The following MINDY4 variants were observed in gnomAD, a reference collection of about 807,000 sequenced individuals.
MINDY4 encodes the protein probable ubiquitin carboxyl-terminal hydrolase MINDY-4.
A neutral mutation model predicts 87.0 loss-of-function variants in MINDY4; 68 were observed. That is an observed-to-expected ratio of 0.78 (90% CI 0.64 to 0.96). MINDY4 has a LOEUF of 0.96. Ranked by LOEUF, MINDY4 falls within the 40% of genes least tolerant of loss-of-function variation. The pLI is 0.00. For synonymous variants in MINDY4, 379 were observed against 363.2 expected (o/e 1.04, Z -0.50); for missense variants, 919 against 928.2 (o/e 0.99, Z 0.13).
intron 5 of MINDY4, among the ~76,000 whole-genome samples, chr7:30,802,538 C>T (rs1323313679): frequency 6.6e-6 from 1 of 152,046 alleles, no homozygotes; most frequent in Non-Finnish European, 1.5e-5. Flanking sequence ...TTTACTCAGC[C>T]ATGTCTCTGT....
chr7:30,887,911 A>G (rs1790681053), intron 17 of MINDY4, among the ~76,000 whole-genome samples: 1 of 152,226 alleles, frequency 6.6e-6, no homozygotes, highest in Non-Finnish European at 1.5e-5. Context: ...GGCTCATCCT[A>G]GAGCTGCTCC....
At chr7:30,889,636 C>T (rs1790736896) in intron 17 of MINDY4, among the ~76,000 whole-genome samples, 1 of 152,188 alleles carries the variant, frequency 6.6e-6, no homozygotes, top group South Asian at 2.1e-4. Flanking sequence ...CCCCAAAACC[C>T]AATAGACTCC....
intron 5 of MINDY4, among the ~76,000 whole-genome samples, chr7:30,798,050 C>A (rs547362691): frequency 1.3e-5 from 2 of 152,234 alleles, no homozygotes; most frequent in African/African-American, 4.8e-5. Flanking sequence ...GAAGTGGAAA[C>A]ATCATAGAGT....
intron 4 of MINDY4, among the ~76,000 whole-genome samples, chr7:30,789,634 G>A (rs10258122): frequency 0.04 from 6,054 of 152,274 alleles, 212 homozygotes; most frequent in East Asian, 0.21. Flanking sequence ...GATGTCCTGA[G>A]TGGCTTTGGG....
chr7:30,890,717 TGAA>T (rs1790771786), intron 17 of MINDY4, among the ~76,000 whole-genome samples: 1 of 152,038 alleles, frequency 6.6e-6, no homozygotes, highest in Admixed American at 6.6e-5. Context: ...AGCACTGACT[TGAA>T]GAAAGACAAA....
chr7:30,820,904 A>G (rs896600347), intron 5 of MINDY4, among the ~76,000 whole-genome samples: 1 of 152,052 alleles, frequency 6.6e-6, no homozygotes, highest in African/African-American at 2.4e-5. Flanking sequence ...TTTTTGAGGA[A>G]CTCCCAGACT....
chr7:30,873,762 G>A (rs768906690), intron 14 of MINDY4, among the ~76,000 whole-genome samples: 16 of 152,176 alleles, frequency 1.1e-4, no homozygotes, highest in Non-Finnish European at 2.2e-4. Context: ...GGGAGCAGGG[G>A]CTTTTATCCC....
At chr7:30,859,969 C>T (rs1789699831) in intron 13 of MINDY4, among the ~76,000 whole-genome samples, 1 of 152,188 alleles carries the variant, frequency 6.6e-6, no homozygotes, top group African/African-American at 2.4e-5. Context: ...GCCTCTTTGT[C>T]TGTATTTGTC....
intron 9 of MINDY4, among the ~76,000 whole-genome samples, chr7:30,845,974 C>G (rs183550668): frequency 6.6e-6 from 1 of 152,172 alleles, no homozygotes; most frequent in Non-Finnish European, 1.5e-5. Flanking sequence ...ATGAAGAGCT[C>G]TTGATCCCCC....
At chr7:30,889,470 C>A (rs928035582) in intron 17 of MINDY4, among the ~76,000 whole-genome samples, 4 of 152,312 alleles carry the variant, frequency 2.6e-5, no homozygotes, top group Non-Finnish European at 5.9e-5. Context: ...TCAGACTCCA[C>A]CCCCAAATAG....
chr7:30,876,783 T>C (rs900148880), intron 15 of MINDY4, among the ~76,000 whole-genome samples: 1 of 152,272 alleles, frequency 6.6e-6, no homozygotes, highest in Non-Finnish European at 1.5e-5. Flanking sequence ...GCAAAGATTC[T>C]TGGAGGGTCC....
In MINDY4 at chr7:30,783,064, AATTT is replaced by A. The variant is rs1787051949; in HGVS notation, c.419+856_419+859del. ...TCCTCACAGTAGTTAAAGCAATACCAATTTATTCTCTTACAGTTCTGGAGGTCTG... is the reference window on the plus strand; with the variant it reads ...TCCTCACAGTAGTTAAAGCAATACCAATTCTCTTACAGTTCTGGAGGTCTG... On this transcript the variant is annotated intron_variant, in intron 3 of 17. Transcript: ENST00000265299. Among the ~76,000 whole-genome samples, 6 of 152,310 alleles carry A rather than the reference AATTT, an allele frequency of 3.9e-5. No homozygotes were observed. The South Asian group carries it at 8.3e-4, about 21-fold the overall frequency.
chr7:30,828,080 AC>A (rs1788571700), intron 5 of MINDY4, among the ~76,000 whole-genome samples: 1 of 151,396 alleles, frequency 6.6e-6, no homozygotes, highest in Non-Finnish European at 1.5e-5. Context: ...TAAAAGGTGG[AC>A]CCTTTTAAGA....
chr7:30,777,808 C>G (rs1021889072), intron 1 of MINDY4, among the ~76,000 whole-genome samples: 1 of 152,200 alleles, frequency 6.6e-6, no homozygotes, highest in Non-Finnish European at 1.5e-5. Context: ...AATAGAGAAG[C>G]CAGGCACTTG....
chr7:30,883,668 T>C (rs1436911696), intron 17 of MINDY4, among the ~76,000 whole-genome samples: 1 of 152,160 alleles, frequency 6.6e-6, no homozygotes, highest in Admixed American at 6.5e-5. Context: ...GCGGTAGCTG[T>C]CAGAAGTGCT....
chr7:30,846,314 A>G (rs569960847), intron 9 of MINDY4, among the ~76,000 whole-genome samples: 3 of 152,360 alleles, frequency 2.0e-5, no homozygotes, highest in African/African-American at 7.2e-5. Flanking sequence ...ATTTTGAGAA[A>G]GTTAGGGTAG....
chr7:30,815,104 C>G (rs1298637447), intron 5 of MINDY4, among the ~76,000 whole-genome samples: 1 of 152,096 alleles, frequency 6.6e-6, no homozygotes, highest in Non-Finnish European at 1.5e-5. Flanking sequence ...GGATTGGTGC[C>G]CCAGAGTGGC....
intron 5 of MINDY4, among the ~76,000 whole-genome samples, chr7:30,813,436 G>A (rs1788065161): frequency 6.6e-6 from 1 of 152,198 alleles, no homozygotes; most frequent in South Asian, 2.1e-4. Flanking sequence ...CCACCGTTGA[G>A]TGGCTGGATT....
At chr7:30,828,772 C>G in intron 6 of MINDY4, 35 bp downstream of exon 6, 1 of 1,607,186 alleles carries the variant, frequency 6.2e-7, no homozygotes, top group Non-Finnish European at 8.5e-7. Context: ...CTGTGCCCAT[C>G]AGGGCCCAAG....
Sources: gnomAD v4.1 joint callset for allele counts (sites outside exome capture counted in the v4.1 genomes callset) on GRCh38, gnomAD v4.1.1 for gene constraint, MANE v1.5 for transcripts, NCBI Gene and HGNC (gene_info 2026-07-23, HGNC 2026-07-21) for gene names.